SLF2: variants seen among roughly 807,000 people sequenced by gnomAD.
The protein encoded by SLF2 is SMC5-SMC6 complex localization factor protein 2.
In SLF2, 68 loss-of-function variants were observed where a neutral mutation model predicts 124.3. That is an observed-to-expected ratio of 0.55 (90% confidence interval 0.45 to 0.67). The LOEUF (loss-of-function observed/expected upper bound fraction) is 0.67. SLF2 is among the 30% of genes least tolerant of loss of function. The pLI is 0.00. For missense variants in SLF2, 1,246 were observed against 1,373.7 expected, an observed-to-expected ratio of 0.91 and a Z score of 1.47; for synonymous variants, 480 against 478.8, an observed-to-expected ratio of 1.00 and a Z score of -0.03.
chr10:100,961,068 G>A (rs796329414), intron 19 of SLF2, among the ~76,000 whole-genome samples: 2 of 131,552 alleles, frequency 1.5e-5, no homozygotes, highest in African/African-American at 5.8e-5. Flanking sequence ...GGAGTGCAGT[G>A]GTGCAATCTC....
At chr10:100,942,425 C>T (rs148518687) in intron 11 of SLF2, among the ~76,000 whole-genome samples, 5 of 152,166 alleles carry the variant, frequency 3.3e-5, no homozygotes, top group Non-Finnish European at 5.9e-5. Context: ...GGAAGAGATA[C>T]GTTGCGCAAG....
At position 100,924,433 on chromosome 10, in the gene SLF2, C is replaced by T. The variant is rs202063032; in HGVS notation, c.1432C>T (p.Arg478Cys). 8.5e-5 allele frequency: 137 copies of T among 1,614,122 alleles called. 1 individual carries two copies. Among genetic ancestry groups the T allele is most frequent in the South Asian group, 7.2e-4 (66 of 91,076 alleles). ...EKETKLPLLS[R>C]VPSAGSSLVP... Reference sequence around the variant, plus strand: ...GGAGACAAAACTACCTTTACTTTCCCGTGTTCCAAGTGCTGGTTCCTCTCT... The same window carrying T: ...GGAGACAAAACTACCTTTACTTTCCTGTGTTCCAAGTGCTGGTTCCTCTCT... Residue 478 changes from arginine to cysteine, a missense_variant, in exon 5 of 20, where the codon CGT becomes TGT. Around this residue, in one of 3 missense-constraint regions of SLF2, gnomAD observed 698 missense variants for 708.9 expected, o/e 0.98. Transcript: ENST00000238961.
At chr10:100,942,601 C>T (rs189095819) in intron 11 of SLF2, among the ~76,000 whole-genome samples, 5 of 152,144 alleles carry the variant, frequency 3.3e-5, no homozygotes, top group Non-Finnish European at 7.3e-5. Flanking sequence ...TCACTGCAAC[C>T]TCCACCTCCC....
chr10:100,920,107 AT>A (rs879577279), intron 4 of SLF2, among the ~76,000 whole-genome samples: 1 of 152,230 alleles, frequency 6.6e-6, no homozygotes, highest in African/African-American at 2.4e-5. Flanking sequence ...ATTTTAGTGA[AT>A]TTTGACATTA....
Position 100,916,688 on chromosome 10 carries a change from C to T in SLF2, c.303C>T (p.Pro101=). 1.9e-6 allele frequency: 3 copies of T among 1,542,922 alleles called. No homozygotes were observed. The highest frequency in any genetic ancestry group is 1.7e-6 in the Non-Finnish European group (2 of 1,152,516). ...RKLSSPKESK[P]KRVPPEKSPI... ...TATCCTCACCAAAAGAATCTAAACC[C>T]AAAAGGGTGCCACCAGAAAAGAGCC... Residue 101 remains proline, a synonymous_variant, in exon 3 of 20, where the codon CCC becomes CCT. Coordinates refer to ENST00000238961, the MANE Select transcript of SLF2 (RefSeq NM_018121.4).
Position 100,950,162 on chromosome 10 carries a change from A to G in SLF2, c.3207A>G (p.Pro1069=). 2 of 1,613,988 alleles carry G rather than the reference A, an allele frequency of 1.2e-6. No individual in the cohort carries two copies. The highest frequency in any genetic ancestry group is 1.7e-6 in the Non-Finnish European group (2 of 1,179,966). Residue 1069 remains proline (P), a synonymous_variant, in exon 16 of 20, where the codon CCA becomes CCG. Transcript: ENST00000238961. ...TCTTGAAGAAAAAGGCTGAACAACC[A>G]GATGGCATTATTGATGACAGTCTTC... ...KMVLKKKAEQ[P]DGIIDDSLHL...
At chr10:100,944,250 C>G (rs953725566) in intron 12 of SLF2, 122 bp downstream of exon 12, 3 of 555,236 alleles carry the variant, frequency 5.4e-6, no homozygotes, top group Non-Finnish European at 9.2e-6. Flanking sequence ...AATCCCAGCA[C>G]TTTGGGAGGC....
Position 100,924,692 on chromosome 10 carries a change from CA to C in SLF2, c.1692del (p.Cys565ValfsTer29). 1 of 1,614,094 alleles carries C rather than the reference CA, an allele frequency of 6.2e-7. No individual in the cohort carries two copies. The highest frequency in any genetic ancestry group is 8.5e-7 in the Non-Finnish European group (1 of 1,180,020). ...KSPPAALEVV[P>X]CIPSPAAPSD... ...CCCCCTGCTGCTTTGGAAGTTGTGC[CA>C]TGTATCCCAAGCCCTGCAGCACCTT... On this transcript the variant is annotated frameshift_variant, in exon 5 of 20. Transcript: ENST00000238961. LOFTEE classifies it high-confidence loss of function.
chr10:100,913,444 G>T, intron 1 of SLF2, 194 bp downstream of exon 1: 2 of 1,324,560 alleles, frequency 1.5e-6, no homozygotes, highest in Non-Finnish European at 1.9e-6. Flanking sequence ...CTGTAGTTGG[G>T]CAGCTGCTCT....
At chr10:100,938,760 C>T (rs780354996) in intron 11 of SLF2, 24 bp downstream of exon 11, 20 of 1,566,426 alleles carry the variant, frequency 1.3e-5, no homozygotes, top group African/African-American at 6.9e-5. Flanking sequence ...TCATAATTAA[C>T]GCCAAAAATA....
chr10:100,938,783 A>G (rs376279344), intron 11 of SLF2, 47 bp downstream of exon 11: 316 of 1,486,472 alleles, frequency 2.1e-4, no homozygotes, highest in Non-Finnish European at 2.6e-4. Context: ...ATTTCGTACG[A>G]CTTATATATA....
intron 18 of SLF2, 75 bp downstream of exon 18, chr10:100,956,612 A>T: frequency 4.6e-6 from 5 of 1,094,896 alleles, no homozygotes; most frequent in Admixed American, 2.2e-5. Context: ...ATAGAAGCAT[A>T]CAGGCCTATA....
chr10:100,927,878 A>G (rs1373414243), intron 6 of SLF2, among the ~76,000 whole-genome samples: 1 of 152,164 alleles, frequency 6.6e-6, no homozygotes, highest in Admixed American at 6.5e-5. Flanking sequence ...CTTATTGGCC[A>G]TTTGTTATAC....
At chr10:100,922,145 A>C (rs1205023744) in intron 4 of SLF2, among the ~76,000 whole-genome samples, 1 of 152,196 alleles carries the variant, frequency 6.6e-6, no homozygotes, top group Non-Finnish European at 1.5e-5. Flanking sequence ...GTGCAATGGC[A>C]CAATTACAGC....
chr10:100,933,682 T>C (rs2133789316), intron 9 of SLF2, among the ~76,000 whole-genome samples: 1 of 152,238 alleles, frequency 6.6e-6, no homozygotes, highest in Admixed American at 6.5e-5. Flanking sequence ...ATTTATTTGT[T>C]TGTTTGTTTA....
intron 1 of SLF2, among the ~76,000 whole-genome samples, chr10:100,914,395 A>T (rs1849377442): frequency 6.6e-6 from 1 of 152,154 alleles, no homozygotes; most frequent in South Asian, 2.1e-4. Context: ...TGAAAGTTAC[A>T]TTCATGGTTA....
chr10:100,918,019 C>G (rs1589941797), intron 3 of SLF2, among the ~76,000 whole-genome samples: 1 of 152,200 alleles, frequency 6.6e-6, no homozygotes, highest in Non-Finnish European at 1.5e-5. Context: ...CCCAGGAGAT[C>G]AAGGTTGCAG....
At chr10:100,947,605 C>T (rs1360373891) in intron 14 of SLF2, among the ~76,000 whole-genome samples, 155 bp from the exon 15 acceptor site, 1 of 152,144 alleles carries the variant, frequency 6.6e-6, no homozygotes, top group Non-Finnish European at 1.5e-5. Flanking sequence ...GAAAATTTTA[C>T]TGTTCTATAA....
chr10:100,929,299 A>T lies in SLF2; in HGVS notation c.2043-18A>T. On this transcript the variant is annotated intron_variant, in intron 6 of 19. Transcript: ENST00000238961. ...TATTTTTAGAGTAAACTGTTATAAC[A>T]TTCTTTCCAATTCTCAGGCTAGATG... 1 of 1,596,610 alleles carries T rather than the reference A, an allele frequency of 6.3e-7. No individual in the cohort carries two copies. Among genetic ancestry groups the T allele is most frequent in the African/African-American group, 1.4e-5 (1 of 73,856 alleles).
Sources: allele counts gnomAD v4.1 joint callset (sites outside exome capture counted in the v4.1 genomes callset), GRCh38; gene constraint gnomAD v4.1.1; regional missense constraint gnomAD v4.1.1; transcripts MANE v1.5; gene names NCBI Gene and HGNC (gene_info 2026-07-23, HGNC 2026-07-21).